The following NRG3 variants were observed in gnomAD, a reference collection of about 807,000 sequenced individuals.
NRG3 encodes the protein pro-neuregulin-3, membrane-bound isoform.
NRG3 carries 31 observed loss-of-function variants against 66.9 expected under a neutral mutation model. The observed-to-expected ratio is 0.46, with a 90% CI of 0.35 to 0.63. The LOEUF is 0.63. NRG3 is among the 20% of genes least tolerant of loss of function. NRG3 has a pLI of 0.00. For synonymous variants in NRG3, 393 were observed against 359.4 expected (o/e 1.09, Z -1.06); for missense variants, 910 against 878.9 (o/e 1.04, Z -0.45).
chr10:81,945,184 G>GT (rs915183071), intron 1 of NRG3, among the ~76,000 whole-genome samples: 6 of 151,776 alleles, frequency 4.0e-5, no homozygotes, highest in East Asian at 1.9e-4. Flanking sequence ...CCATTGTTTT[G>GT]TTTTTTTTCC....
chr10:82,507,896 A>C (rs1844830836), intron 2 of NRG3, among the ~76,000 whole-genome samples: 1 of 152,230 alleles, frequency 6.6e-6, no homozygotes, highest in African/African-American at 2.4e-5. Context: ...ACAGTGGAAG[A>C]TCAGATAAGG....
At position 82,738,604 on chromosome 10, in the gene NRG3, T is replaced by C. The variant is rs777539894; in HGVS notation, c.981T>C (p.Arg327=). 48 of 1,614,064 alleles carry C rather than the reference T, an allele frequency of 3.0e-5. No individual in the cohort carries two copies. Among genetic ancestry groups the C allele is most frequent in the Non-Finnish European group, 3.4e-5 (40 of 1,180,006 alleles). Residue 327 remains arginine, a synonymous_variant, in exon 3 of 9, where the codon CGT becomes CGC. Coordinates refer to ENST00000372141, the MANE Select transcript of NRG3 (RefSeq NM_001010848.4). ...GCAAAGAAGGCTACCAAGGAGTCCGTTGTGATCAATTTCTGCCGAAAACTG... is the reference window on the plus strand; with the variant it reads ...GCAAAGAAGGCTACCAAGGAGTCCGCTGTGATCAATTTCTGCCGAAAACTG... ...CRCKEGYQGV[R]CDQFLPKTDS...
chr10:82,031,547 T>A (rs2062567361), intron 1 of NRG3, among the ~76,000 whole-genome samples: 1 of 152,162 alleles, frequency 6.6e-6, no homozygotes, highest in Admixed American at 6.6e-5. Flanking sequence ...TAACATATTA[T>A]TGTATTTTTC....
At chr10:82,271,109 A>G (rs2078570058) in intron 1 of NRG3, among the ~76,000 whole-genome samples, 1 of 152,052 alleles carries the variant, frequency 6.6e-6, no homozygotes, top group South Asian at 2.1e-4. Context: ...TGGTGGCTAC[A>G]GGCTTAGGGG....
chr10:82,721,984 A>C (rs541015111), intron 2 of NRG3, among the ~76,000 whole-genome samples: 1 of 152,026 alleles, frequency 6.6e-6, no homozygotes, highest in African/African-American at 2.4e-5. Context: ...CATGTTACCC[A>C]AACTCTAGCC....
At chr10:82,287,277 A>G (rs937564864) in intron 1 of NRG3, among the ~76,000 whole-genome samples, 8 of 151,912 alleles carry the variant, frequency 5.3e-5, no homozygotes. Flanking sequence ...CTGCCCCACA[A>G]GTGCTCTTGT....
chr10:82,802,340 G>T (rs1049208301), intron 3 of NRG3, among the ~76,000 whole-genome samples: 1 of 152,062 alleles, frequency 6.6e-6, no homozygotes, highest in Admixed American at 6.6e-5. Context: ...GTGCAAAAGG[G>T]TTTGAAATAT....
chr10:82,212,952 AGAT>A (rs1361087454), intron 1 of NRG3, among the ~76,000 whole-genome samples: 2 of 152,192 alleles, frequency 1.3e-5, no homozygotes, highest in African/African-American at 4.8e-5. Context: ...TTTTAAATTG[AGAT>A]GCAATTAGCA....
intron 1 of NRG3, among the ~76,000 whole-genome samples, chr10:82,088,639 G>A (rs999554642): frequency 5.3e-5 from 8 of 152,102 alleles, no homozygotes; most frequent in Admixed American, 2.6e-4. Context: ...GAATCAGACC[G>A]GGGAAGAATA....
At chr10:82,115,548 G>C (rs919435046) in intron 1 of NRG3, among the ~76,000 whole-genome samples, 5 of 152,070 alleles carry the variant, frequency 3.3e-5, no homozygotes, top group Non-Finnish European at 7.4e-5. Flanking sequence ...GTGACACTGA[G>C]GCCTTTGGTT....
At chr10:82,266,220 A>C (rs2078286073) in intron 1 of NRG3, among the ~76,000 whole-genome samples, 1 of 152,058 alleles carries the variant, frequency 6.6e-6, no homozygotes, top group South Asian at 2.1e-4. Flanking sequence ...AATGGGATTG[A>C]GCCTATTGGT....
At chr10:82,605,760 G>A (rs2047929108) in intron 2 of NRG3, among the ~76,000 whole-genome samples, 1 of 151,900 alleles carries the variant, frequency 6.6e-6, no homozygotes, top group Admixed American at 6.6e-5. Context: ...TGCTTCAGAT[G>A]GTATTAATTA....
At chr10:82,834,050 C>A (rs927860216) in intron 3 of NRG3, among the ~76,000 whole-genome samples, 2 of 152,124 alleles carry the variant, frequency 1.3e-5, no homozygotes, top group Non-Finnish European at 2.9e-5. Context: ...TCAGCCAGTA[C>A]AAAATGGTGG....
Position 82,865,451 on chromosome 10 carries a change from A to G in NRG3, c.1054+14A>G. ...TTGAATTCATGGGTAAGACTAAACA[A>G]TTTGCTCATTTAATATCCTGGAAAT... On this transcript the variant is annotated intron_variant, in intron 4 of 8. Coordinates refer to ENST00000372141, the MANE Select transcript of NRG3 (RefSeq NM_001010848.4). The G allele has an allele frequency of 6.2e-7, 1 of 1,611,678 alleles. No homozygotes were observed. Among genetic ancestry groups the G allele is most frequent in the Non-Finnish European group, 8.5e-7 (1 of 1,178,444 alleles).
At chr10:82,979,151 G>C (rs200987862) in intron 8 of NRG3, 31 bp downstream of exon 8, 228 of 1,608,482 alleles carry the variant, frequency 1.4e-4, no homozygotes, top group Non-Finnish European at 1.8e-4. Context: ...GGAATTTAGG[G>C]AGGGTGTCTT....
chr10:82,145,236 G>T (rs1388298646), intron 1 of NRG3, among the ~76,000 whole-genome samples: 1 of 152,176 alleles, frequency 6.6e-6, no homozygotes, highest in Admixed American at 6.5e-5. Context: ...TTGCTAAAAT[G>T]AAATGCCATT....
rs183946906 is a variant in NRG3 at position 82,817,094 on chromosome 10, G to C, written c.1028-48317G>C. Among the ~76,000 whole-genome samples, 39 of 152,282 alleles carry C rather than the reference G, an allele frequency of 2.6e-4. No homozygotes were observed. The East Asian group carries it at 7.3e-3, about 29-fold the overall frequency. On this transcript the variant is annotated intron_variant, in intron 3 of 8. Coordinates refer to ENST00000372141, the MANE Select transcript of NRG3 (RefSeq NM_001010848.4). The stretch of plus-strand genomic sequence containing the variant: ...CTTGCCTTTTCCACGCTGCTGAAAA[G>C]ATTTCCCCAGTTTCCAGTCTTGCAT...
intron 1 of NRG3, among the ~76,000 whole-genome samples, chr10:82,291,477 G>A (rs115408468): frequency 0.011 from 1,728 of 152,246 alleles, 23 homozygotes; most frequent in African/African-American, 0.039. Flanking sequence ...TAAGCTTATT[G>A]TAAAAGGTGC....
chr10:82,472,088 T>C (rs548603888), intron 2 of NRG3, among the ~76,000 whole-genome samples: 2 of 152,232 alleles, frequency 1.3e-5, no homozygotes, highest in South Asian at 2.1e-4. Flanking sequence ...AAATCCTGTC[T>C]CTTGCTCCTA....
Sources: gnomAD v4.1 joint callset for allele counts (sites outside exome capture counted in the v4.1 genomes callset) on GRCh38, gnomAD v4.1.1 for gene constraint, MANE v1.5 for transcripts, NCBI Gene and HGNC (gene_info 2026-07-23, HGNC 2026-07-21) for gene names.